The following FHIT variants were observed in gnomAD, a reference collection of about 807,000 sequenced individuals.
The protein encoded by FHIT is fragile histidine triad diadenosine triphosphatase.
Under a neutral mutation model 17.9 loss-of-function variants are expected in FHIT, and 19 were observed. The ratio of observed to expected loss-of-function variants is 1.06; its 90% CI spans 0.74 to 1.56. The LOEUF (loss-of-function observed/expected upper bound fraction) is 1.56. Among genes scored for constraint, FHIT ranks in the 40% most tolerant of loss-of-function variants. FHIT has a pLI of 0.00. For missense variants in FHIT, 248 were observed against 189.2 expected (o/e 1.31, Z -1.82); for synonymous variants, 81 against 69.7 (o/e 1.16, Z -0.81).
chr3:60,132,721 C>G (rs1416837672), intron 5 of FHIT, among the ~76,000 whole-genome samples: 1 of 152,138 alleles, frequency 6.6e-6, no homozygotes. Context: ...ATTGTCTCTA[C>G]CTTTCTGCTG....
At position 60,195,719 on chromosome 3, in the gene FHIT, T is replaced by G. The variant is rs556701086; in HGVS notation, c.104-181567A>C. On this transcript the variant is annotated intron_variant, in intron 5 of 9. Transcript: ENST00000492590. ...CATAAACAAGAAAAAAATAATGTCT[T>G]TTGCAGCAACTTTCATGGAACTGGA... Among the ~76,000 whole-genome samples, 250 of 151,054 alleles carry G rather than the reference T, an allele frequency of 1.7e-3. 1 individual carries two copies. The highest frequency in any genetic ancestry group is 7.1e-3 in the Middle Eastern group (2 of 282).
chr3:60,086,110 G>A (rs561204341), intron 5 of FHIT, among the ~76,000 whole-genome samples: 24 of 152,300 alleles, frequency 1.6e-4, no homozygotes, highest in Non-Finnish European at 1.5e-5. Flanking sequence ...GCCATTGTAT[G>A]CACAAATCAC....
At chr3:60,805,927 G>A (rs1484260914) in intron 4 of FHIT, among the ~76,000 whole-genome samples, 1 of 152,094 alleles carries the variant, frequency 6.6e-6, no homozygotes, top group East Asian at 1.9e-4. Context: ...TAGGGATTCA[G>A]GCTTCAGTGT....
intron 8 of FHIT, among the ~76,000 whole-genome samples, chr3:59,865,391 C>A (rs1157250116): frequency 2.6e-5 from 4 of 152,246 alleles, no homozygotes; most frequent in Non-Finnish European, 5.9e-5. Context: ...AGAGATGCTG[C>A]CTAGCAGAGC....
At chr3:60,253,740 T>G (rs1705842005) in intron 5 of FHIT, among the ~76,000 whole-genome samples, 1 of 152,184 alleles carries the variant, frequency 6.6e-6, no homozygotes, top group African/African-American at 2.4e-5. Context: ...CTAATCCACC[T>G]TCTTATCAGC....
At chr3:60,612,106 T>G (rs59194055) in intron 4 of FHIT, among the ~76,000 whole-genome samples, 34,669 of 151,952 alleles carry the variant, frequency 0.23, 4,558 homozygotes, top group East Asian at 0.56. Context: ...TACCCAAACC[T>G]GGGGCTACCT....
At chr3:61,165,189 GT>G (rs1256609441) in intron 2 of FHIT, among the ~76,000 whole-genome samples, 4 of 152,152 alleles carry the variant, frequency 2.6e-5, no homozygotes, top group Non-Finnish European at 5.9e-5. Flanking sequence ...TAGTAGTCCT[GT>G]TTTAAGTTCT....
chr3:60,627,384 A>C (rs1341706132), intron 4 of FHIT, among the ~76,000 whole-genome samples: 4 of 152,136 alleles, frequency 2.6e-5, no homozygotes, highest in African/African-American at 9.7e-5. Context: ...TTGTAGAATC[A>C]GTTTTGTTTG....
chr3:61,027,160 C>T (rs2032775977), intron 3 of FHIT, among the ~76,000 whole-genome samples: 1 of 152,122 alleles, frequency 6.6e-6, no homozygotes. Flanking sequence ...AATCTTGGCT[C>T]ACGGCAACCT....
At chr3:61,139,355 A>G (rs2037008425) in intron 2 of FHIT, among the ~76,000 whole-genome samples, 1 of 152,192 alleles carries the variant, frequency 6.6e-6, no homozygotes, top group Non-Finnish European at 1.5e-5. Context: ...GTAGACCAGT[A>G]CATCTTTGCT....
intron 2 of FHIT, among the ~76,000 whole-genome samples, chr3:61,050,685 G>T (rs905261794): frequency 3.3e-5 from 5 of 152,200 alleles, no homozygotes; most frequent in African/African-American, 1.2e-4. Flanking sequence ...AAGTAAGATT[G>T]GCAAGATATT....
chr3:59,904,641 A>C (rs1004298304), intron 8 of FHIT, among the ~76,000 whole-genome samples: 10 of 152,242 alleles, frequency 6.6e-5, no homozygotes, highest in Admixed American at 5.2e-4. Flanking sequence ...TATAGCTTGT[A>C]CCCGTGTTTG....
chr3:61,206,740 G>C (rs1239113808), intron 1 of FHIT, among the ~76,000 whole-genome samples: 2 of 151,986 alleles, frequency 1.3e-5, no homozygotes, highest in African/African-American at 2.4e-5. Context: ...GGGTTTTCTA[G>C]ATATACAATC....
chr3:60,930,981 T>G (rs1200542633), intron 3 of FHIT, among the ~76,000 whole-genome samples: 1 of 152,152 alleles, frequency 6.6e-6, no homozygotes, highest in Non-Finnish European at 1.5e-5. Context: ...CCAACAATGA[T>G]AGACTGGATT....
chr3:60,569,755 A>ATATATT lies in FHIT; in HGVS notation c.-17-32777_-17-32776insAATATA. Among the ~76,000 whole-genome samples the ATATATT allele has an allele frequency of 1.1e-3, 88 of 77,294 alleles. 2 individuals are homozygous for ATATATT. The highest frequency in any genetic ancestry group is 3.2e-3 in the East Asian group (6 of 1,888). The allele number at this position is 77,294 out of a possible 152,430, so 50.7% of individuals were successfully genotyped here. ...TATATATATATATATATATATATATATTTTTTTTTTTTTTAGACAGAGTTT... is the reference window on the plus strand; with the variant it reads ...TATATATATATATATATATATATATATATATTTTTTTTTTTTTTTTAGACAGAGTTT... On this transcript the variant is annotated intron_variant, in intron 4 of 9. Transcript: ENST00000492590.
intron 2 of FHIT, among the ~76,000 whole-genome samples, chr3:61,050,329 G>A (rs757411074): frequency 3.9e-5 from 6 of 152,044 alleles, no homozygotes; most frequent in Non-Finnish European, 7.4e-5. Context: ...CAAAGTTATT[G>A]AGAGGAAGGG....
In FHIT at chr3:60,392,754, A is replaced by G. The variant is rs549117296; in HGVS notation, c.103+144106T>C. Among the ~76,000 whole-genome samples, 4 of 152,326 alleles carry G rather than the reference A, an allele frequency of 2.6e-5. No individual in the cohort carries two copies. In the South Asian group the frequency reaches 6.2e-4, roughly 24 times the overall value. On this transcript the variant is annotated intron_variant, in intron 5 of 9. Transcript: ENST00000492590. The stretch of plus-strand genomic sequence containing the variant: ...CGCATGATCCTGAAGATAAAGCATA[A>G]TTATAGCAGTGGCTACCAAGAGGTG...
chr3:60,584,552 C>T (rs782355376), intron 4 of FHIT, among the ~76,000 whole-genome samples: 3 of 151,784 alleles, frequency 2.0e-5, no homozygotes, highest in African/African-American at 4.8e-5. Flanking sequence ...CAAATGCATT[C>T]CCCTTTTATA....
intron 3 of FHIT, among the ~76,000 whole-genome samples, chr3:60,938,720 T>C (rs1480426940): frequency 6.6e-6 from 1 of 152,162 alleles, no homozygotes; most frequent in Non-Finnish European, 1.5e-5. Context: ...TCTACATCCA[T>C]TGCCGTAACA....
Sources: allele counts gnomAD v4.1 joint callset (sites outside exome capture counted in the v4.1 genomes callset), GRCh38; gene constraint gnomAD v4.1.1; transcripts MANE v1.5; gene names NCBI Gene and HGNC (gene_info 2026-07-23, HGNC 2026-07-21).